Variants in NR3C2 observed in about 807,000 individuals in gnomAD.
NR3C2 encodes the protein nuclear receptor subfamily 3 group C member 2.
A neutral mutation model predicts 86.4 loss-of-function variants in NR3C2; 15 were observed. The ratio of observed to expected loss-of-function variants is 0.17; its 90% CI spans 0.12 to 0.27. The LOEUF is 0.27. Ranked by LOEUF, NR3C2 falls within the 10% of genes least tolerant of loss-of-function variation. The pLI, the probability that NR3C2 is intolerant of heterozygous loss-of-function variation, is 1.00. For missense variants in NR3C2, 960 were observed against 1,195.6 expected (o/e 0.80, Z 2.91); for synonymous variants, 458 against 450.5 (o/e 1.02, Z -0.21).
chr4:148,361,420 C>A (rs910525223), intron 2 of NR3C2, among the ~76,000 whole-genome samples: 5 of 152,200 alleles, frequency 3.3e-5, no homozygotes, highest in Non-Finnish European at 5.9e-5. Flanking sequence ...CATCATTAGA[C>A]AGGACTTTGA....
intron 2 of NR3C2, among the ~76,000 whole-genome samples, chr4:148,390,391 G>A (rs1747483155): frequency 6.6e-6 from 1 of 152,046 alleles, no homozygotes; most frequent in African/African-American, 2.4e-5. Context: ...GTGAAAACAT[G>A]CCCAAATGGG....
At chr4:148,107,164 G>GA (rs1731837126) in intron 8 of NR3C2, among the ~76,000 whole-genome samples, 1 of 151,292 alleles carries the variant, frequency 6.6e-6, no homozygotes. Context: ...AAATTTACAA[G>GA]AAAAAAAACC....
At chr4:148,400,789 A>C (rs928337607) in intron 2 of NR3C2, among the ~76,000 whole-genome samples, 12 of 151,704 alleles carry the variant, frequency 7.9e-5, no homozygotes, top group Admixed American at 2.0e-4. Flanking sequence ...AAAAAAAAAA[A>C]AAAAAAAAAA....
At chr4:148,264,995 A>C (rs940169453) in intron 2 of NR3C2, among the ~76,000 whole-genome samples, 11 of 152,206 alleles carry the variant, frequency 7.2e-5, no homozygotes, top group African/African-American at 2.7e-4. Context: ...TTAATATTGA[A>C]GAGTTAGAAA....
chr4:148,092,338 G>T (rs976615924), intron 8 of NR3C2, among the ~76,000 whole-genome samples: 4 of 152,130 alleles, frequency 2.6e-5, no homozygotes, highest in African/African-American at 9.7e-5. Flanking sequence ...GGTTTAACCT[G>T]TCCTATTTAC....
At chr4:148,112,106 G>A (rs1234154044) in intron 8 of NR3C2, among the ~76,000 whole-genome samples, 1 of 151,996 alleles carries the variant, frequency 6.6e-6, no homozygotes, top group African/African-American at 2.4e-5. Context: ...TCTATGCCAA[G>A]CACTGTGCTG....
chr4:148,342,041 T>C (rs991775166), intron 2 of NR3C2, among the ~76,000 whole-genome samples: 3 of 152,122 alleles, frequency 2.0e-5, no homozygotes, highest in African/African-American at 7.2e-5. Flanking sequence ...CTGACTTGTC[T>C]TACTCTGGTT....
chr4:148,283,314 T>C (rs1330542210), intron 2 of NR3C2, among the ~76,000 whole-genome samples: 1 of 152,106 alleles, frequency 6.6e-6, no homozygotes, highest in Non-Finnish European at 1.5e-5. Context: ...CATTACAAAA[T>C]TGGTGAGGTT....
chr4:148,372,360 T>C (rs2126390885), intron 2 of NR3C2, among the ~76,000 whole-genome samples: 1 of 152,276 alleles, frequency 6.6e-6, no homozygotes, highest in East Asian at 1.9e-4. Context: ...CTCATTTCTA[T>C]ACCCAGTTAA....
At chr4:148,354,931 G>C (rs566322219) in intron 2 of NR3C2, among the ~76,000 whole-genome samples, 1 of 152,178 alleles carries the variant, frequency 6.6e-6, no homozygotes, top group African/African-American at 2.4e-5. Context: ...GCAATGGAAA[G>C]TAATAAGTGA....
intron 2 of NR3C2, among the ~76,000 whole-genome samples, chr4:148,267,620 T>C (rs559514893): frequency 6.6e-6 from 1 of 152,174 alleles, no homozygotes; most frequent in South Asian, 2.1e-4. Flanking sequence ...TGTGTGCATA[T>C]GGATTTCAAC....
At chr4:148,150,475 A>G (rs1734054998) in intron 6 of NR3C2, among the ~76,000 whole-genome samples, 1 of 152,214 alleles carries the variant, frequency 6.6e-6, no homozygotes, top group Non-Finnish European at 1.5e-5. Context: ...GCTAAAGAAC[A>G]CTAGCTAGCA....
At chr4:148,252,579 G>GCACATTAAAAC (rs1475799781) in intron 3 of NR3C2, among the ~76,000 whole-genome samples, 5 of 152,134 alleles carry the variant, frequency 3.3e-5, no homozygotes, top group Non-Finnish European at 7.3e-5. Context: ...AAAAGAGCAG[G>GCACATTAAAAC]CACATTAAAA....
chr4:148,207,948 C>T (rs1277488982), intron 3 of NR3C2: 2 of 152,184 alleles, frequency 1.3e-5, no homozygotes, highest in African/African-American at 4.8e-5. Flanking sequence ...TGATCTCTCT[C>T]TCTTCTCATA....
At chr4:148,368,748 C>T (rs530754592) in intron 2 of NR3C2, among the ~76,000 whole-genome samples, 2 of 152,170 alleles carry the variant, frequency 1.3e-5, no homozygotes, top group South Asian at 2.1e-4. Context: ...AAAGATAGAA[C>T]ACTATAAAAG....
At chr4:148,200,590 T>C (rs1445899377) in intron 3 of NR3C2, among the ~76,000 whole-genome samples, 1 of 152,260 alleles carries the variant, frequency 6.6e-6, no homozygotes, top group Non-Finnish European at 1.5e-5. Flanking sequence ...ATCATGGAGT[T>C]TGAATCCCTG....
chr4:148,402,682 C>A (rs1395981369), intron 2 of NR3C2, among the ~76,000 whole-genome samples: 2 of 152,126 alleles, frequency 1.3e-5, no homozygotes, highest in Admixed American at 6.5e-5. Context: ...ATTTCAATAT[C>A]CCTAGTACCT....
chr4:148,388,812 G>A (rs1747396964), intron 2 of NR3C2, among the ~76,000 whole-genome samples: 1 of 152,112 alleles, frequency 6.6e-6, no homozygotes, highest in Admixed American at 6.5e-5. Flanking sequence ...GCTTGCAGAA[G>A]ACCCAGAGGA....
intron 2 of NR3C2, among the ~76,000 whole-genome samples, chr4:148,430,317 A>C (rs916743724): frequency 1.2e-4 from 19 of 152,180 alleles, no homozygotes; most frequent in African/African-American, 4.6e-4. Flanking sequence ...AGATGATAAG[A>C]GGCAGACATA....
Sources: gnomAD v4.1 joint callset for allele counts (sites outside exome capture counted in the v4.1 genomes callset) on GRCh38, gnomAD v4.1.1 for gene constraint, MANE v1.5 for transcripts, NCBI Gene and HGNC (gene_info 2026-07-23, HGNC 2026-07-21) for gene names.